ADAMTS17: variants seen among roughly 807,000 people sequenced by gnomAD.
The protein encoded by ADAMTS17 is A disintegrin and metalloproteinase with thrombospondin motifs 17.
A neutral mutation model predicts 141.5 loss-of-function variants in ADAMTS17; 113 were observed. That is an observed-to-expected ratio of 0.80 (90% CI 0.69 to 0.93). The LOEUF (loss-of-function observed/expected upper bound fraction) is 0.93. Ranked by LOEUF, ADAMTS17 falls within the 40% of genes least tolerant of loss-of-function variation. ADAMTS17 has a pLI of 0.00. For synonymous variants in ADAMTS17, 768 were observed against 630.6 expected (o/e 1.22, Z -3.27); for missense variants, 1,659 against 1,517.9 (o/e 1.09, Z -1.54).
chr15:100,183,065 T>C (rs1227777488), intron 8 of ADAMTS17, among the ~76,000 whole-genome samples: 3 of 152,166 alleles, frequency 2.0e-5, no homozygotes, highest in Admixed American at 6.5e-5. Context: ...CTCAGCTCAC[T>C]GCAACTTCCA....
chr15:100,319,391 A>C (rs1442585345), intron 3 of ADAMTS17, among the ~76,000 whole-genome samples: 1 of 152,216 alleles, frequency 6.6e-6, no homozygotes, highest in Non-Finnish European at 1.5e-5. Context: ...CACATGTGAA[A>C]GGGAGTGTGA....
intron 18 of ADAMTS17, among the ~76,000 whole-genome samples, chr15:100,041,299 C>T (rs140206607): frequency 1.3e-5 from 2 of 152,322 alleles, no homozygotes; most frequent in East Asian, 3.9e-4. Flanking sequence ...CATGTACTGC[C>T]TGGGAAGAAG....
intron 10 of ADAMTS17, among the ~76,000 whole-genome samples, chr15:100,138,359 A>G (rs895642656): frequency 2.0e-5 from 3 of 152,270 alleles, no homozygotes; most frequent in African/African-American, 7.2e-5. Flanking sequence ...TTTAGGTAAT[A>G]AAATTGTCAG....
At chr15:100,303,867 T>C (rs770843347) in intron 3 of ADAMTS17, among the ~76,000 whole-genome samples, 2 of 152,054 alleles carry the variant, frequency 1.3e-5, no homozygotes, top group Non-Finnish European at 2.9e-5. Flanking sequence ...GGACTACAGG[T>C]GCATGCCGCC....
At chr15:100,243,498 TG>T (rs1372873315) in intron 7 of ADAMTS17, among the ~76,000 whole-genome samples, 1 of 152,188 alleles carries the variant, frequency 6.6e-6, no homozygotes, top group Non-Finnish European at 1.5e-5. Flanking sequence ...GTTTTGAAAG[TG>T]GTCATTCTGG....
chr15:100,287,058 C>T (rs2044470338), intron 3 of ADAMTS17, among the ~76,000 whole-genome samples: 1 of 152,128 alleles, frequency 6.6e-6, no homozygotes, highest in Non-Finnish European at 1.5e-5. Context: ...TGTGGTGGCA[C>T]ACACCTGTAG....
chr15:100,009,160 G>A (rs987414121), intron 18 of ADAMTS17, among the ~76,000 whole-genome samples: 1 of 151,960 alleles, frequency 6.6e-6, no homozygotes, highest in South Asian at 2.1e-4. Flanking sequence ...TTTTCTACCC[G>A]CTGTCTCATT....
intron 8 of ADAMTS17, among the ~76,000 whole-genome samples, chr15:100,162,711 T>A (rs921746465): frequency 1.5e-5 from 2 of 135,146 alleles, no homozygotes; most frequent in Admixed American, 1.5e-4. Context: ...TATATGCACA[T>A]ATACACATTA....
rs779072441 is a variant in ADAMTS17, at chr15:100,053,984, A to C, written c.2208T>G (p.Ile736Met). 1.8e-5 allele frequency: 29 copies of C among 1,614,030 alleles called. No individual in the cohort carries two copies. Among genetic ancestry groups the C allele is most frequent in the Admixed American group, 6.7e-5 (4 of 60,004 alleles). Residue 736 changes from isoleucine to methionine, a missense_variant, in exon 16 of 22, where the codon ATT (isoleucine) becomes ATG (methionine). Transcript: ENST00000268070. ...TCACATAGCGAACAGTTGTGCCTGC[A>C]ATCTGGAACTCTCCGGGGAGCTCTA... ...WKIELPGEFQIAGTTVRYVRR... is the reference protein window; with the variant it reads ...WKIELPGEFQMAGTTVRYVRR...
At chr15:100,104,044 G>C (rs1384426400) in intron 14 of ADAMTS17, among the ~76,000 whole-genome samples, 2 of 152,224 alleles carry the variant, frequency 1.3e-5, no homozygotes, top group Admixed American at 6.5e-5. Flanking sequence ...CAAGGAAGTA[G>C]GAACTGAATT....
At chr15:100,158,203 G>T (rs908794796) in intron 8 of ADAMTS17, among the ~76,000 whole-genome samples, 1 of 152,098 alleles carries the variant, frequency 6.6e-6, no homozygotes, top group African/African-American at 2.4e-5. Flanking sequence ...GTTGAATAAA[G>T]TGAGTTCTAT....
chr15:100,250,986 T>C (rs1240143556), intron 7 of ADAMTS17, among the ~76,000 whole-genome samples: 1 of 152,196 alleles, frequency 6.6e-6, no homozygotes, highest in African/African-American at 2.4e-5. Flanking sequence ...CATCGAATCA[T>C]CCCATTGTTC....
At chr15:99,999,489 G>T (rs905075946) in intron 18 of ADAMTS17, among the ~76,000 whole-genome samples, 2 of 152,056 alleles carry the variant, frequency 1.3e-5, no homozygotes, top group Admixed American at 6.5e-5. Context: ...GGTCACAGGG[G>T]TGCAAAGGCC....
chr15:100,315,602 G>A (rs780679735), intron 3 of ADAMTS17, among the ~76,000 whole-genome samples: 1 of 152,230 alleles, frequency 6.6e-6, no homozygotes, highest in Non-Finnish European at 1.5e-5. Flanking sequence ...CTGGGAGGCT[G>A]AGGTGGGTGG....
At chr15:100,155,433 T>G in intron 8 of ADAMTS17, 113 bp from the exon 9 acceptor site, 6 of 1,438,028 alleles carry the variant, frequency 4.2e-6, no homozygotes, top group Non-Finnish European at 5.7e-6. Context: ...AAAACGGACG[T>G]AACGTGAAAG....
At chr15:100,021,708 A>G (rs1327281860) in intron 18 of ADAMTS17, among the ~76,000 whole-genome samples, 1 of 152,216 alleles carries the variant, frequency 6.6e-6, no homozygotes, top group Admixed American at 6.5e-5. Context: ...AGAAACAAAA[A>G]TAAGACTCTG....
At chr15:100,307,213 T>C (rs182555446) in intron 3 of ADAMTS17, among the ~76,000 whole-genome samples, 100 of 152,258 alleles carry the variant, frequency 6.6e-4, no homozygotes, top group Non-Finnish European at 9.6e-4. Context: ...GACCACGTTA[T>C]AGGACAGGAA....
Position 100,131,037 on chromosome 15 carries a change from TA to T in ADAMTS17, c.1721+969del, listed in dbSNP as rs558978896. 2.8e-4 allele frequency among the ~76,000 whole-genome samples: 43 copies of T among 151,696 alleles called. No homozygotes were observed. The South Asian group carries it at 4.6e-3, about 16-fold the overall frequency. ...TACACCATGGAATACTACGCAGCCA[TA>T]AAAAAAGGATGGGTTCATGTCCTTT... On this transcript the variant is annotated intron_variant, in intron 12 of 21. Coordinates refer to ENST00000268070, the MANE Select transcript of ADAMTS17 (RefSeq NM_139057.4).
chr15:100,253,014 G>T (rs925987751), intron 7 of ADAMTS17, among the ~76,000 whole-genome samples: 1 of 152,108 alleles, frequency 6.6e-6, no homozygotes, highest in East Asian at 1.9e-4. Context: ...GCTACTCACT[G>T]CTGGGGCTCC....
Sources: allele counts gnomAD v4.1 joint callset (sites outside exome capture counted in the v4.1 genomes callset), GRCh38; gene constraint gnomAD v4.1.1; transcripts MANE v1.5; gene names NCBI Gene and HGNC (gene_info 2026-07-23, HGNC 2026-07-21).